Variants in GRIN2A observed in about 807,000 individuals in gnomAD.
GRIN2A encodes glutamate ionotropic receptor NMDA type subunit 2A, also known as glutamate receptor ionotropic, NMDA 2A.
GRIN2A carries 22 observed loss-of-function variants against 113.4 expected under a neutral mutation model. The ratio of observed to expected loss-of-function variants is 0.19; its 90% CI spans 0.14 to 0.28. The LOEUF (loss-of-function observed/expected upper bound fraction) is 0.28, where lower values mean the gene tolerates loss of function less well. Among genes scored for constraint, GRIN2A ranks in the 10% least tolerant of loss-of-function variants. The probability of loss-of-function intolerance (pLI) is 1.00; values close to 1 mark genes in which losing one functional copy is unlikely to be tolerated. For missense variants in GRIN2A, 1,502 were observed against 1,887.0 expected (o/e 0.80, Z 3.78); for synonymous variants, 827 against 738.4 (o/e 1.12, Z -1.94).
At chr16:9,879,642 T>C (rs549631296) in intron 4 of GRIN2A, among the ~76,000 whole-genome samples, 1 of 152,300 alleles carries the variant, frequency 6.6e-6, no homozygotes, top group South Asian at 2.1e-4. Context: ...GTGTAGCTCA[T>C]GTCTAAGAGT....
intron 9 of GRIN2A, among the ~76,000 whole-genome samples, chr16:9,823,401 G>C (rs2042325496): frequency 6.6e-6 from 1 of 152,142 alleles, no homozygotes; most frequent in Non-Finnish European, 1.5e-5. Flanking sequence ...CTGTAGAGTG[G>C]GGGGCCACCA....
At chr16:9,877,867 C>CAA (rs1336507955) in intron 4 of GRIN2A, among the ~76,000 whole-genome samples, 3 of 102,574 alleles carry the variant, frequency 2.9e-5, no homozygotes, top group Non-Finnish European at 5.7e-5. Context: ...TCCCTGCCTC[C>CAA]CTCTCCCCCA....
chr16:10,097,843 G>C (rs1210592627), intron 2 of GRIN2A, among the ~76,000 whole-genome samples: 1 of 152,162 alleles, frequency 6.6e-6, no homozygotes, highest in Non-Finnish European at 1.5e-5. Context: ...AAAAATTCTA[G>C]AAGGTAACAC....
chr16:10,040,081 CCA>C (rs2047130193), intron 2 of GRIN2A, among the ~76,000 whole-genome samples: 1 of 52,264 alleles, frequency 1.9e-5, no homozygotes, highest in African/African-American at 6.6e-5. Context: ...CATCCACACA[CCA>C]CACACACAAA....
At chr16:10,042,397 C>A (rs976120531) in intron 2 of GRIN2A, among the ~76,000 whole-genome samples, 3 of 152,056 alleles carry the variant, frequency 2.0e-5, no homozygotes, top group Admixed American at 6.5e-5. Flanking sequence ...CGGAGAGGTT[C>A]TCAAAATCAA....
intron 2 of GRIN2A, among the ~76,000 whole-genome samples, chr16:10,042,780 C>T (rs1034766428): frequency 1.3e-5 from 2 of 152,150 alleles, no homozygotes; most frequent in African/African-American, 4.8e-5. Flanking sequence ...TACTAACTCA[C>T]ACCTAAGGGG....
chr16:10,033,277 G>A (rs903406113), intron 2 of GRIN2A, among the ~76,000 whole-genome samples: 10 of 152,150 alleles, frequency 6.6e-5, no homozygotes, highest in African/African-American at 2.4e-4. Flanking sequence ...CATTCATTTT[G>A]TTAACAAACA....
chr16:9,844,373 G>T (rs2267793), intron 5 of GRIN2A, among the ~76,000 whole-genome samples: 1 of 152,094 alleles, frequency 6.6e-6, no homozygotes, highest in Admixed American at 6.5e-5. Context: ...AAAAAGGCAC[G>T]CAGCAAAGGC....
At chr16:10,178,239 T>C (rs1474382144) in intron 2 of GRIN2A, among the ~76,000 whole-genome samples, 3 of 152,190 alleles carry the variant, frequency 2.0e-5, no homozygotes, top group Admixed American at 1.3e-4. Flanking sequence ...AAAAGCCCTC[T>C]AGGCTGTGAT....
intron 2 of GRIN2A, among the ~76,000 whole-genome samples, chr16:10,074,386 C>T (rs930967697): frequency 6.6e-6 from 1 of 152,154 alleles, no homozygotes; most frequent in Non-Finnish European, 1.5e-5. Flanking sequence ...TATGTATATA[C>T]CCAAGAGAAC....
intron 2 of GRIN2A, among the ~76,000 whole-genome samples, chr16:10,124,852 G>A (rs755579858): frequency 6.6e-6 from 1 of 152,140 alleles, no homozygotes; most frequent in East Asian, 1.9e-4. Flanking sequence ...TATGGAAAAG[G>A]TTAGCAGGAC....
At chr16:10,077,988 T>C (rs910345855) in intron 2 of GRIN2A, among the ~76,000 whole-genome samples, 30 of 152,172 alleles carry the variant, frequency 2.0e-4, no homozygotes, top group Non-Finnish European at 2.9e-5. Flanking sequence ...GATAAGGTAT[T>C]TCTCTCTCTA....
chr16:9,889,307 G>T (rs1276274855), intron 4 of GRIN2A, among the ~76,000 whole-genome samples: 2 of 152,040 alleles, frequency 1.3e-5, no homozygotes, highest in African/African-American at 4.8e-5. Context: ...GTGTCTGTAA[G>T]TGATAGTCCC....
At chr16:9,819,526 A>G (rs890623303) in intron 10 of GRIN2A, among the ~76,000 whole-genome samples, 1 of 152,094 alleles carries the variant, frequency 6.6e-6, no homozygotes, top group Non-Finnish European at 1.5e-5. Context: ...TGTCTGAAAA[A>G]AAAAAAAAAA....
intron 2 of GRIN2A, among the ~76,000 whole-genome samples, chr16:9,951,735 A>G (rs2045188054): frequency 6.6e-6 from 1 of 152,224 alleles, no homozygotes; most frequent in African/African-American, 2.4e-5. Context: ...CAGCCTCTGA[A>G]AAGTGTCCAA....
intron 2 of GRIN2A, among the ~76,000 whole-genome samples, chr16:9,940,013 C>G (rs2044825413): frequency 1.4e-5 from 2 of 146,066 alleles, no homozygotes; most frequent in Admixed American, 1.4e-4. Context: ...TATGGGGATT[C>G]CACTGAGAGA....
chr16:9,781,696 T>C (rs1278853004), intron 11 of GRIN2A, among the ~76,000 whole-genome samples: 2 of 150,940 alleles, frequency 1.3e-5, no homozygotes, highest in African/African-American at 4.9e-5. Flanking sequence ...TGACGCCATA[T>C]ATCAAGACTC....
At chr16:10,064,352 C>T (rs566176649) in intron 2 of GRIN2A, among the ~76,000 whole-genome samples, 2 of 152,332 alleles carry the variant, frequency 1.3e-5, no homozygotes, top group African/African-American at 4.8e-5. Flanking sequence ...AACGTTGTCA[C>T]TGGTCTAACC....
At chr16:10,029,514 T>C (rs561188607) in intron 2 of GRIN2A, among the ~76,000 whole-genome samples, 131 of 152,122 alleles carry the variant, frequency 8.6e-4, no homozygotes, top group Non-Finnish European at 1.6e-3. Flanking sequence ...AAAAACAGTA[T>C]TTTAAAAAAA....
Sources: gnomAD v4.1 joint callset for allele counts (sites outside exome capture counted in the v4.1 genomes callset) on GRCh38, gnomAD v4.1.1 for gene constraint, MANE v1.5 for transcripts, NCBI Gene and HGNC (gene_info 2026-07-23, HGNC 2026-07-21) for gene names.